Variants in PRUNE2 observed in about 807,000 individuals in gnomAD.
The protein encoded by PRUNE2 is protein prune homolog 2.
PRUNE2 carries 164 observed loss-of-function variants against 252.0 expected under a neutral mutation model. The ratio of observed to expected loss-of-function variants is 0.65; its 90% confidence interval spans 0.57 to 0.74. The LOEUF is 0.74. PRUNE2 is among the 30% of genes least tolerant of loss of function. The pLI, the probability that PRUNE2 is intolerant of heterozygous loss-of-function variation, is 0.00. For missense variants in PRUNE2, 3,495 were observed against 3,711.0 expected (o/e 0.94, Z 1.51); for synonymous variants, 1,292 against 1,350.2 (o/e 0.96, Z 0.94).
At chr9:76,847,243 T>C (rs1382861416) in intron 3 of PRUNE2, among the ~76,000 whole-genome samples, 3 of 151,742 alleles carry the variant, frequency 2.0e-5, no homozygotes, top group Non-Finnish European at 4.4e-5. Flanking sequence ...GGAGAATCAC[T>C]TGAACCATGG....
At chr9:76,732,812 T>C (rs2048746076) in intron 6 of PRUNE2, among the ~76,000 whole-genome samples, 2 of 152,212 alleles carry the variant, frequency 1.3e-5, no homozygotes, top group Admixed American at 6.5e-5. Context: ...GCCTGGCTCA[T>C]GATTAGAAGA....
At chr9:76,888,580 A>G (rs1293020174) in intron 1 of PRUNE2, among the ~76,000 whole-genome samples, 1 of 131,274 alleles carries the variant, frequency 7.6e-6, no homozygotes, top group Non-Finnish European at 1.7e-5. Context: ...CCATCTCAAT[A>G]ATAATAATAA....
chr9:76,755,682 A>C (rs2051077327), intron 6 of PRUNE2, among the ~76,000 whole-genome samples: 1 of 152,094 alleles, frequency 6.6e-6, no homozygotes, highest in Non-Finnish European at 1.5e-5. Flanking sequence ...GTAACGCTCA[A>C]TCTGCTGCTG....
At chr9:76,640,777 C>A (rs1842253574) in intron 12 of PRUNE2, among the ~76,000 whole-genome samples, 1 of 152,140 alleles carries the variant, frequency 6.6e-6, no homozygotes, top group South Asian at 2.1e-4. Flanking sequence ...CACAGATAAG[C>A]AATTCATCCT....
intron 4 of PRUNE2, among the ~76,000 whole-genome samples, chr9:76,837,315 A>T (rs565504046): frequency 1.3e-5 from 2 of 151,940 alleles, no homozygotes; most frequent in Non-Finnish European, 2.9e-5. Flanking sequence ...GGTGGCGGGC[A>T]CCTGCAGTCC....
At chr9:76,624,940 G>T in intron 16 of PRUNE2, 1 of 817,432 alleles carries the variant, frequency 1.2e-6, no homozygotes, top group Non-Finnish European at 1.8e-6. Flanking sequence ...TCTTGCTCTG[G>T]TAGCTTGTTG....
At position 76,709,852 on chromosome 9, in the gene PRUNE2, G is replaced by T; in HGVS notation, c.2422C>A (p.His808Asn). 1 of 1,613,880 alleles carries T rather than the reference G, an allele frequency of 6.2e-7. No homozygotes were observed. The highest frequency in any genetic ancestry group is 8.5e-7 in the Non-Finnish European group (1 of 1,179,850). ...PAWSAFGKED[H>N]DEALKNTWNL... is the part of the protein sequence containing the mutation. ...CAGGTATTTTTTAAAGCTTCATCAT[G>T]ATCTTCTTTACCAAATGCACTCCAG... Residue 808 changes from histidine to asparagine, a missense_variant, in exon 8 of 19, where the codon CAT (histidine) becomes AAT (asparagine). His to Asn is a moderately conservative substitution (Grantham distance 68). Transcript: ENST00000376718.
chr9:76,751,379 C>T (rs1007018092), intron 6 of PRUNE2, among the ~76,000 whole-genome samples: 1 of 152,182 alleles, frequency 6.6e-6, no homozygotes, highest in African/African-American at 2.4e-5. Context: ...TAAAAGCATA[C>T]TTAAGTTAGT....
In PRUNE2 at chr9:76,854,106, T is replaced by C. The variant is rs766785192; in HGVS notation, c.139A>G (p.Lys47Glu). The stretch of plus-strand genomic sequence containing the variant: ...AGTATTACCCTTTTTTCCCTCACCT[T>C]GTCTAGAAAGTAAGCATATGTGAAG... ...STFTYAYFLDKVSPPGVLCLP... is the reference protein window; with the variant it reads ...STFTYAYFLDEVSPPGVLCLP... The change falls in exon 2 of 19, where the codon AAG (lysine) becomes GAG (glutamate). Residue 47 changes from lysine (K) to glutamate (E), a missense_variant and splice_region_variant. Coordinates refer to ENST00000376718, the MANE Select transcript of PRUNE2 (RefSeq NM_015225.3). The C allele has an allele frequency of 6.5e-7, 1 of 1,544,916 alleles. No individual in the cohort carries two copies. The highest frequency in any genetic ancestry group is 1.7e-5 in the Admixed American group (1 of 58,638).
intron 6 of PRUNE2, among the ~76,000 whole-genome samples, chr9:76,792,691 G>C (rs1221917590): frequency 2.6e-5 from 4 of 152,108 alleles, no homozygotes; most frequent in African/African-American, 7.2e-5. Context: ...AGATTTATTA[G>C]CTATTTAAGT....
chr9:76,743,418 T>C (rs973488702), intron 6 of PRUNE2, among the ~76,000 whole-genome samples: 1 of 152,242 alleles, frequency 6.6e-6, no homozygotes, highest in South Asian at 2.1e-4. Flanking sequence ...GAATAGTTAA[T>C]GTAGCATTGT....
intron 1 of PRUNE2, among the ~76,000 whole-genome samples, chr9:76,894,600 T>C (rs4391492): frequency 0.23 from 34,597 of 151,782 alleles, 5,550 homozygotes; most frequent in African/African-American, 0.46. Context: ...CTGAGGAATG[T>C]AAAGAGGATC....
rs1828221968 is a variant in PRUNE2 at position 76,613,884 on chromosome 9, A to C, written c.*686T>G. 1 of 152,020 alleles carries C rather than the reference A, an allele frequency of 6.6e-6. No individual in the cohort carries two copies. The allele number at this position is 152,020 out of a possible 1,614,324, so 9.4% of individuals were successfully genotyped here. On this transcript the variant is annotated 3_prime_UTR_variant, in exon 19 of 19. Coordinates refer to ENST00000376718, the MANE Select transcript of PRUNE2 (RefSeq NM_015225.3). ...TGCAACACGGATTCTTAAATTTCAC[A>C]ATGTGGTGGTCACCAACATTCATCA... is the stretch of plus-strand genomic sequence containing the variant.
Position 76,868,404 on chromosome 9 carries a change from G to A in PRUNE2, c.37-14196C>T, listed in dbSNP as rs7036560. On this transcript the variant is annotated intron_variant, in intron 1 of 18. Coordinates refer to ENST00000376718, the MANE Select transcript of PRUNE2 (RefSeq NM_015225.3). The stretch of plus-strand genomic sequence containing the variant: ...CAGACATGTGCCATGAGGCTGCCTT[G>A]CAGGTGTCCACACATACACTCAGGC... 7.6e-3 allele frequency among the ~76,000 whole-genome samples: 1,164 copies of A among 152,254 alleles called. 15 individuals carry two copies. Among genetic ancestry groups the A allele is most frequent in the African/African-American group, 0.027 (1,108 of 41,526 alleles).
chr9:76,636,588 C>A lies in PRUNE2; in HGVS notation c.8964-31G>T, dbSNP rs971139665. The A allele has an allele frequency of 2.7e-6, 3 of 1,120,366 alleles. No individual in the cohort carries two copies. In the African/African-American group the frequency reaches 4.7e-5, roughly 18 times the overall value. 69.4% of individuals were successfully genotyped at this position (1,120,366 alleles called of 1,614,324 possible). On this transcript the variant is annotated intron_variant, in intron 14 of 18. Transcript: ENST00000376718. ...TTGAAAAAAGAAAAAAAATACATTA[C>A]TCTTAACCCATTTTCAGTGGGAATT...
At chr9:76,731,324 A>ATATATATTTT (rs1332074252) in intron 6 of PRUNE2, among the ~76,000 whole-genome samples, 2 of 106,794 alleles carry the variant, frequency 1.9e-5, no homozygotes, top group African/African-American at 6.9e-5. Flanking sequence ...ATATATATAT[A>ATATATATTTT]TTTTTTTTTT....
intron 6 of PRUNE2, chr9:76,738,089 T>C (rs2049240879): frequency 6.6e-6 from 1 of 152,208 alleles, no homozygotes; most frequent in African/African-American, 2.4e-5. Context: ...TTTCTGGTGG[T>C]TAATGTTAAT....
chr9:76,855,082 A>AAAAAAAAAAAAAAAAATATATATATATAT (rs1490285240), intron 1 of PRUNE2, among the ~76,000 whole-genome samples: 2 of 109,438 alleles, frequency 1.8e-5, no homozygotes, highest in African/African-American at 7.7e-5. Flanking sequence ...AAAAAAAAAA[A>AAAAAAAAAAAAAAAAATATATATATATAT]ATATATATAT....
intron 12 of PRUNE2, among the ~76,000 whole-genome samples, chr9:76,640,419 T>C (rs1452417254): frequency 1.3e-5 from 2 of 152,228 alleles, no homozygotes; most frequent in Non-Finnish European, 2.9e-5. Flanking sequence ...TTTGAGGTAG[T>C]TGTATACAGT....
Sources: gnomAD v4.1 joint callset for allele counts (sites outside exome capture counted in the v4.1 genomes callset) on GRCh38, gnomAD v4.1.1 for gene constraint, MANE v1.5 for transcripts, NCBI Gene and HGNC (gene_info 2026-07-23, HGNC 2026-07-21) for gene names.